ZNF728: variants seen among roughly 807,000 people sequenced by gnomAD.
ZNF728 encodes zinc finger protein 728.
In ZNF728, 12 loss-of-function variants were observed where a neutral mutation model predicts 12.5. The observed-to-expected ratio is 0.96, with a 90% CI of 0.61 to 1.55. The LOEUF (loss-of-function observed/expected upper bound fraction) is 1.55, where lower values mean the gene tolerates loss of function less well. Among genes scored for constraint, ZNF728 ranks in the 40% most tolerant of loss-of-function variants. ZNF728 has a pLI of 0.00. For missense variants in ZNF728, 692 were observed against 719.2 expected (o/e 0.96, Z 0.43); for synonymous variants, 205 against 240.7 (o/e 0.85, Z 1.37).
At chr19:22,991,803 AG>A in intron 1 of ZNF728, among the ~76,000 whole-genome samples, 1 of 152,342 alleles carries the variant, frequency 6.6e-6, no homozygotes, top group Non-Finnish European at 1.5e-5. Flanking sequence ...GCTGGGGCAG[AG>A]CGTACAGCCA....
chr19:22,981,729 C>T (rs1468241902), intron 3 of ZNF728, among the ~76,000 whole-genome samples: 1 of 152,120 alleles, frequency 6.6e-6, no homozygotes, highest in Admixed American at 6.6e-5. Flanking sequence ...TCAACATATG[C>T]AAATCAATAA....
At chr19:23,000,409 A>G (rs1233438277) in intron 1 of ZNF728, among the ~76,000 whole-genome samples, 2 of 151,814 alleles carry the variant, frequency 1.3e-5, no homozygotes, top group South Asian at 2.1e-4. Flanking sequence ...AAAAAACACC[A>G]GAGAAAACTC....
chr19:22,982,504 G>C (rs1568275273), intron 3 of ZNF728, among the ~76,000 whole-genome samples: 1 of 152,032 alleles, frequency 6.6e-6, no homozygotes, highest in Non-Finnish European at 1.5e-5. Flanking sequence ...TACAGATTTT[G>C]AAAAAACTAA....
chr19:22,998,232 T>C (rs117216733), intron 1 of ZNF728, among the ~76,000 whole-genome samples: 2,220 of 151,646 alleles, frequency 0.015, 22 homozygotes, highest in Middle Eastern at 0.048. Context: ...ATAAAGAAAA[T>C]ATGGTATGGT....
chr19:23,001,549 G>A (rs1969114108), intron 1 of ZNF728, among the ~76,000 whole-genome samples: 1 of 152,144 alleles, frequency 6.6e-6, no homozygotes, highest in Non-Finnish European at 1.5e-5. Flanking sequence ...TTTTTCCCCA[G>A]ACAGTACTGA....
intron 1 of ZNF728, among the ~76,000 whole-genome samples, chr19:22,991,727 T>C (rs1040648189): frequency 6.6e-6 from 1 of 152,174 alleles, no homozygotes; most frequent in African/African-American, 2.4e-5. Context: ...ATCAGTTCTG[T>C]GAGGCAAGAC....
intron 1 of ZNF728, among the ~76,000 whole-genome samples, chr19:22,997,089 CAG>C (rs1969058372): frequency 1.3e-5 from 2 of 152,148 alleles, no homozygotes; most frequent in African/African-American, 4.8e-5. Context: ...CACTAATGGA[CAG>C]ATCATTGAAG....
rs1968780092 is a variant in ZNF728, at chr19:22,975,227, T to TG, written c.*240dup. On this transcript the variant is annotated 3_prime_UTR_variant, in exon 4 of 4. Coordinates refer to ENST00000594710, the MANE Select transcript of ZNF728 (RefSeq NM_001267716.2). ...CTTTCCCACATTCTTCACACGTGTA[T>TG]GGTTTCTCTCCAGTATGAGTTGTCT... is the stretch of plus-strand genomic sequence containing the variant. 6.6e-6 allele frequency among the ~76,000 whole-genome samples: 1 copy of TG among 152,094 alleles called. No homozygotes were observed. Among genetic ancestry groups the TG allele is most frequent in the South Asian group, 2.1e-4 (1 of 4,826 alleles).
chr19:22,977,217 T>G, intron 3 of ZNF728, 107 bp from the exon 4 acceptor site: 1 of 1,037,466 alleles, frequency 9.6e-7, no homozygotes, highest in Non-Finnish European at 1.4e-6. Context: ...GACACTGCAG[T>G]ATGACACAGG....
At chr19:22,986,700 T>C (rs1048407228) in intron 3 of ZNF728, among the ~76,000 whole-genome samples, 4 of 152,138 alleles carry the variant, frequency 2.6e-5, no homozygotes, top group African/African-American at 9.6e-5. Context: ...TCTCTATCAA[T>C]ATTCCAGTGG....
At chr19:22,982,878 T>C (rs1410254309) in intron 3 of ZNF728, among the ~76,000 whole-genome samples, 1 of 152,176 alleles carries the variant, frequency 6.6e-6, no homozygotes, top group Non-Finnish European at 1.5e-5. Flanking sequence ...GATTACAGAC[T>C]TAAATGTAAC....
intron 1 of ZNF728, among the ~76,000 whole-genome samples, chr19:22,992,333 CCCAGGTTCAAGCG>C (rs1968997953): frequency 6.7e-6 from 1 of 150,268 alleles, no homozygotes; most frequent in Admixed American, 6.6e-5. Flanking sequence ...GCCTCCGCTT[CCCAGGTTCAAGCG>C]ATTCTCCTGC....
At chr19:22,988,541 G>C in intron 1 of ZNF728, 90 bp from the exon 2 acceptor site, 1 of 1,558,192 alleles carries the variant, frequency 6.4e-7, no homozygotes, top group East Asian at 2.2e-5. Context: ...AGAGTAAAAA[G>C]AGCTCATTCT....
At chr19:22,988,583 A>C in intron 1 of ZNF728, 132 bp from the exon 2 acceptor site, 1 of 1,340,872 alleles carries the variant, frequency 7.5e-7, no homozygotes, top group South Asian at 1.4e-5. Context: ...TCATTCAATA[A>C]AATAGTTTTC....
intron 1 of ZNF728, among the ~76,000 whole-genome samples, chr19:22,996,773 T>C (rs1969054800): frequency 6.6e-6 from 1 of 152,148 alleles, no homozygotes; most frequent in Non-Finnish European, 1.5e-5. Flanking sequence ...ACATATAATC[T>C]AAACTTTTTT....
chr19:22,986,515 A>G (rs1313888588), intron 3 of ZNF728, among the ~76,000 whole-genome samples: 1 of 152,206 alleles, frequency 6.6e-6, no homozygotes, highest in Non-Finnish European at 1.5e-5. Context: ...ATAGCACTAA[A>G]ATAATAAATA....
In ZNF728 at chr19:22,976,690, AG is replaced by A. The variant is rs1968806114; in HGVS notation, c.646del (p.Thr217LeufsTer32). 6.2e-7 allele frequency: 1 copy of A among 1,613,200 alleles called. No homozygotes were observed. Among genetic ancestry groups the A allele is most frequent in the Non-Finnish European group, 8.5e-7 (1 of 1,179,822 alleles). ...TCCAGTATGAATTCTCTTATAAGTA[AG>A]GGCTGAGGACCAGTTAAAGGCTTTG... Reference protein sequence around the residue: ...HGKAFNWSSALTYKRIHTGEK... With the variant: ...HGKAFNWSSAXTYKRIHTGEK... On this transcript the variant is annotated frameshift_variant, in exon 4 of 4. Coordinates refer to ENST00000594710, the MANE Select transcript of ZNF728 (RefSeq NM_001267716.2). LOFTEE classifies it low-confidence loss of function (END_TRUNC).
Position 22,983,344 on chromosome 19 carries a change from A to T in ZNF728, c.226+3964T>A, listed in dbSNP as rs143004372. Among the ~76,000 whole-genome samples the T allele has an allele frequency of 4.6e-5, 7 of 152,324 alleles. No homozygotes were observed. In the East Asian group the frequency reaches 1.4e-3, roughly 29 times the overall value. On this transcript the variant is annotated intron_variant, in intron 3 of 3. Coordinates refer to ENST00000594710, the MANE Select transcript of ZNF728 (RefSeq NM_001267716.2). ...CCAGTTAGAATGGTGATCATTAAAAAGTCAGGTAACAACAGATGCTGGAGA... is the reference window on the plus strand; with the variant it reads ...CCAGTTAGAATGGTGATCATTAAAATGTCAGGTAACAACAGATGCTGGAGA...
chr19:22,979,451 A>T (rs542575343), intron 3 of ZNF728, among the ~76,000 whole-genome samples: 1 of 152,328 alleles, frequency 6.6e-6, no homozygotes, highest in South Asian at 2.1e-4. Flanking sequence ...TCAGGATATC[A>T]TCCAGGAGAA....
Sources: allele counts gnomAD v4.1 joint callset (sites outside exome capture counted in the v4.1 genomes callset), GRCh38; gene constraint gnomAD v4.1.1; transcripts MANE v1.5; gene names NCBI Gene and HGNC (gene_info 2026-07-23, HGNC 2026-07-21).